BTAF1: variants seen among roughly 807,000 people sequenced by gnomAD.
BTAF1 encodes the protein TATA-binding protein-associated factor 172.
BTAF1 carries 38 observed loss-of-function variants against 227.1 expected under a neutral mutation model. That is an observed-to-expected ratio of 0.17 (90% CI 0.13 to 0.22). The LOEUF (loss-of-function observed/expected upper bound fraction) is 0.22. Ranked by LOEUF, BTAF1 falls within the 10% of genes least tolerant of loss-of-function variation. The pLI is 1.00. For synonymous variants in BTAF1, 742 were observed against 751.9 expected (o/e 0.99, Z 0.21); for missense variants, 1,598 against 2,204.0 (o/e 0.73, Z 5.51).
At chr10:91,956,471 C>T in intron 6 of BTAF1, 57 bp from the exon 7 acceptor site, 3 of 1,489,798 alleles carry the variant, frequency 2.0e-6, no homozygotes, top group Non-Finnish European at 2.7e-6. Context: ...TCATTTCATT[C>T]ATTGTGGTTC....
At chr10:92,026,978 C>T in intron 36 of BTAF1, 152 bp from the exon 37 acceptor site, 5 of 901,472 alleles carry the variant, frequency 5.5e-6, no homozygotes, top group Non-Finnish European at 8.3e-6. Context: ...TCTGTGATTG[C>T]TGCACACATT....
Position 92,018,899 on chromosome 10 carries a change from T to C in BTAF1, c.4827T>C (p.Asp1609=), listed in dbSNP as rs929832027. 6.2e-7 allele frequency: 1 copy of C among 1,606,594 alleles called. No individual in the cohort carries two copies. The highest frequency in any genetic ancestry group is 8.5e-7 in the Non-Finnish European group (1 of 1,177,618). ...CAGTTCAGAATTCTTCTCTACATGA[T>C]ATTCAACATGCCCCTAAGCTCTCAG... ...KLAVQNSSLH[D]IQHAPKLSAL... Residue 1609 remains aspartate (D), a synonymous_variant, in exon 34 of 38, where the codon GAT becomes GAC. Coordinates refer to ENST00000265990, the MANE Select transcript of BTAF1 (RefSeq NM_003972.3).
chr10:91,987,565 A>G (rs1848492175), intron 19 of BTAF1, among the ~76,000 whole-genome samples: 1 of 151,912 alleles, frequency 6.6e-6, no homozygotes, highest in Non-Finnish European at 1.5e-5. Flanking sequence ...CTTTATATCT[A>G]GGTCCTGACT....
In BTAF1 at chr10:92,031,137, A is replaced by ATGAT. The variant is rs1388361573; in HGVS notation, c.*2205_*2208dup. Among the ~76,000 whole-genome samples, 5 of 152,286 alleles carry ATGAT rather than the reference A, an allele frequency of 3.3e-5. No homozygotes were observed. The highest frequency in any genetic ancestry group is 1.9e-4 in the East Asian group (1 of 5,186). On this transcript the variant is annotated 3_prime_UTR_variant, in exon 38 of 38. Coordinates refer to ENST00000265990, the MANE Select transcript of BTAF1 (RefSeq NM_003972.3). The stretch of plus-strand genomic sequence containing the variant: ...TACTTCCCTTGGTTTTTGTGTCTTT[A>ATGAT]TGATAGGAAATAGCAAACTGTTAAA...
intron 19 of BTAF1, among the ~76,000 whole-genome samples, chr10:91,985,888 AT>A (rs1044204787): frequency 6.6e-6 from 1 of 151,932 alleles, no homozygotes. Context: ...CTTTCTGAAT[AT>A]TTTCTGGCAG....
At chr10:91,941,135 T>C (rs1371787876) in intron 3 of BTAF1, among the ~76,000 whole-genome samples, 1 of 152,256 alleles carries the variant, frequency 6.6e-6, no homozygotes, top group Non-Finnish European at 1.5e-5. Context: ...TTAAATGAAA[T>C]GTGTGACTAG....
intron 1 of BTAF1, 69 bp from the exon 2 acceptor site, chr10:91,935,588 T>G: frequency 6.5e-7 from 1 of 1,548,866 alleles, no homozygotes. Flanking sequence ...CTCAGTACGT[T>G]TATTGACTTA....
At chr10:91,997,873 C>A in intron 25 of BTAF1, 122 bp downstream of exon 25, 1 of 982,814 alleles carries the variant, frequency 1.0e-6, no homozygotes, top group Non-Finnish European at 1.5e-6. Flanking sequence ...CTTTCTGAGG[C>A]TGAGGTGGGT....
intron 14 of BTAF1, among the ~76,000 whole-genome samples, chr10:91,973,490 G>A (rs2133949608): frequency 6.6e-6 from 1 of 152,156 alleles, no homozygotes; most frequent in South Asian, 2.1e-4. Flanking sequence ...ATTTAATTGT[G>A]ATAATAATAA....
chr10:91,976,262 C>T (rs1217169682), intron 14 of BTAF1, among the ~76,000 whole-genome samples: 2 of 152,146 alleles, frequency 1.3e-5, no homozygotes, highest in African/African-American at 4.8e-5. Context: ...TCCATGTCTT[C>T]TTTAGGCATG....
intron 2 of BTAF1, among the ~76,000 whole-genome samples, chr10:91,936,666 C>T (rs1187788210): frequency 6.6e-6 from 1 of 152,154 alleles, no homozygotes; most frequent in Non-Finnish European, 1.5e-5. Flanking sequence ...GATTTGATAC[C>T]TACAGGCTCC....
intron 14 of BTAF1, 126 bp from the exon 15 acceptor site, chr10:91,980,328 A>G (rs1022960512): frequency 1.5e-5 from 10 of 654,686 alleles, no homozygotes; most frequent in South Asian, 6.1e-5. Flanking sequence ...TCACCTGTTT[A>G]GCCTTTTTAA....
intron 32 of BTAF1, among the ~76,000 whole-genome samples, chr10:92,015,651 G>A (rs897096673): frequency 6.6e-6 from 1 of 152,184 alleles, no homozygotes. Context: ...ACTGGTTGTG[G>A]TGCTGTAACA....
At chr10:91,924,236 G>T in intron 1 of BTAF1, 146 bp downstream of exon 1, 2 of 1,129,516 alleles carry the variant, frequency 1.8e-6, no homozygotes, top group Non-Finnish European at 2.4e-6. Context: ...TTCGCCCCGT[G>T]GTCGGCGGGG....
chr10:92,031,377 A>G lies in BTAF1; in HGVS notation c.*2444A>G, dbSNP rs1851884688. ...GGACTGATTGAACTGGTATAGCCTT[A>G]TTCCTTCTGGATGGTTTATATGAAC... On this transcript the variant is annotated 3_prime_UTR_variant, in exon 38 of 38. Coordinates refer to ENST00000265990, the MANE Select transcript of BTAF1 (RefSeq NM_003972.3). Among the ~76,000 whole-genome samples the G allele has an allele frequency of 6.6e-6, 1 of 152,224 alleles. No individual in the cohort carries two copies. Among genetic ancestry groups the G allele is most frequent in the Admixed American group, 6.5e-5 (1 of 15,282 alleles).
At chr10:91,927,561 A>C (rs1270718139) in intron 1 of BTAF1, among the ~76,000 whole-genome samples, 3 of 152,138 alleles carry the variant, frequency 2.0e-5, no homozygotes, top group African/African-American at 7.2e-5. Flanking sequence ...AGAGAAGGAA[A>C]TGTGTCTTTG....
Position 91,991,265 on chromosome 10 carries a change from AATATAAAT to A in BTAF1, c.2855-848_2855-841del, listed in dbSNP as rs1259959267. ...CGTCTCAAAAAAATATATAAATATA[AATATAAAT>A]ATATATATATATATATATAAATTAT... On this transcript the variant is annotated intron_variant, in intron 20 of 37. Transcript: ENST00000265990. Among the ~76,000 whole-genome samples, 42 of 90,074 alleles carry A rather than the reference AATATAAAT, an allele frequency of 4.7e-4. 5 individuals carry two copies. The highest frequency in any genetic ancestry group is 5.3e-3 in the Middle Eastern group (1 of 190). 59.1% of individuals were successfully genotyped at this position (90,074 alleles called of 152,430 possible).
chr10:91,928,370 C>G (rs138291934), intron 1 of BTAF1, among the ~76,000 whole-genome samples: 1 of 152,060 alleles, frequency 6.6e-6, no homozygotes, highest in Non-Finnish European at 1.5e-5. Flanking sequence ...ATTTGAAGTT[C>G]TCTGTCAAAT....
intron 34 of BTAF1, 90 bp downstream of exon 34, chr10:92,019,025 GT>G: frequency 8.0e-7 from 1 of 1,252,256 alleles, no homozygotes; most frequent in Non-Finnish European, 1.1e-6. Flanking sequence ...TTACTACTGT[GT>G]TTACCATTTA....
Sources: gnomAD v4.1 joint callset for allele counts (sites outside exome capture counted in the v4.1 genomes callset) on GRCh38, gnomAD v4.1.1 for gene constraint, MANE v1.5 for transcripts, NCBI Gene and HGNC (gene_info 2026-07-23, HGNC 2026-07-21) for gene names.